GRID2: variants seen among roughly 807,000 people sequenced by gnomAD.
GRID2 encodes glutamate ionotropic receptor delta type subunit 2, also known as glutamate receptor ionotropic, delta-2.
GRID2 carries 33 observed loss-of-function variants against 114.8 expected under a neutral mutation model. The observed-to-expected ratio is 0.29, with a 90% CI of 0.22 to 0.38. GRID2 has a LOEUF of 0.38. GRID2 is among the 10% of genes least tolerant of loss of function. The pLI is 1.00. For missense variants in GRID2, 1,184 were observed against 1,257.7 expected, an observed-to-expected ratio of 0.94 and a Z score of 0.89; for synonymous variants, 505 against 449.9, an observed-to-expected ratio of 1.12 and a Z score of -1.55.
At chr4:92,800,822 A>G (rs1042769010) in intron 2 of GRID2, among the ~76,000 whole-genome samples, 13 of 152,012 alleles carry the variant, frequency 8.6e-5, no homozygotes, top group African/African-American at 3.1e-4. Context: ...TGTTTTCCAT[A>G]TAATAAGATG....
At chr4:93,403,139 G>C (rs1399226395) in intron 9 of GRID2, among the ~76,000 whole-genome samples, 1 of 152,138 alleles carries the variant, frequency 6.6e-6, no homozygotes, top group Non-Finnish European at 1.5e-5. Flanking sequence ...GGCTCCTTCG[G>C]AGGAGTTAAT....
chr4:92,359,534 T>G (rs576427716), intron 1 of GRID2, among the ~76,000 whole-genome samples: 1 of 152,094 alleles, frequency 6.6e-6, no homozygotes, highest in African/African-American at 2.4e-5. Context: ...CCCAGCACAA[T>G]GCCTGGCAGT....
chr4:93,737,414 G>A (rs1230979362), intron 14 of GRID2, among the ~76,000 whole-genome samples: 1 of 151,902 alleles, frequency 6.6e-6, no homozygotes, highest in African/African-American at 2.4e-5. Context: ...ATTATCACTA[G>A]AAGGCTACAT....
intron 1 of GRID2, among the ~76,000 whole-genome samples, chr4:92,564,435 G>A (rs1460871306): frequency 6.6e-6 from 1 of 152,062 alleles, no homozygotes; most frequent in East Asian, 1.9e-4. Context: ...AAGGTTGATA[G>A]ACACTTAAAC....
chr4:92,939,343 G>T (rs937496521), intron 2 of GRID2, among the ~76,000 whole-genome samples: 7 of 147,542 alleles, frequency 4.7e-5, no homozygotes, highest in East Asian at 4.3e-4. Context: ...TCATGTGTCT[G>T]TTGGCTGCAT....
intron 13 of GRID2, among the ~76,000 whole-genome samples, chr4:93,516,660 T>TGA (rs1045942351): frequency 6.6e-6 from 1 of 152,048 alleles, no homozygotes; most frequent in African/African-American, 2.4e-5. Flanking sequence ...GGGTTCGGGT[T>TGA]GAGAGATGGA....
At chr4:93,127,002 C>T (rs1444180396) in intron 4 of GRID2, among the ~76,000 whole-genome samples, 1 of 152,166 alleles carries the variant, frequency 6.6e-6, no homozygotes, top group Non-Finnish European at 1.5e-5. Context: ...TTATTAGGTT[C>T]TTTCAGTTGT....
At chr4:93,619,077 A>T (rs1209599579) in intron 13 of GRID2, among the ~76,000 whole-genome samples, 8 of 152,210 alleles carry the variant, frequency 5.3e-5, no homozygotes, top group Non-Finnish European at 1.2e-4. Context: ...TTTTAAATAC[A>T]TTCATATATT....
intron 1 of GRID2, among the ~76,000 whole-genome samples, chr4:92,498,695 A>G (rs909875399): frequency 2.0e-5 from 3 of 151,906 alleles, no homozygotes; most frequent in Non-Finnish European, 2.9e-5. Context: ...GCAAACTTAA[A>G]ACATCTGTGA....
At chr4:93,228,331 T>A (rs146549240) in intron 7 of GRID2, among the ~76,000 whole-genome samples, 269 of 152,270 alleles carry the variant, frequency 1.8e-3, no homozygotes, top group Non-Finnish European at 2.4e-3. Context: ...GACCAAACTC[T>A]TGTGACAATT....
intron 1 of GRID2, among the ~76,000 whole-genome samples, chr4:92,530,053 T>A (rs1725252324): frequency 6.6e-6 from 1 of 151,796 alleles, no homozygotes; most frequent in Admixed American, 6.6e-5. Flanking sequence ...GAAGGGTTTT[T>A]TTTTTTTGAA....
chr4:92,778,361 G>A (rs189379389), intron 2 of GRID2, among the ~76,000 whole-genome samples: 2 of 151,880 alleles, frequency 1.3e-5, no homozygotes, highest in South Asian at 2.1e-4. Flanking sequence ...TACATCCCTC[G>A]TATTCTTCAG....
At chr4:93,238,674 A>G (rs1747104993) in intron 8 of GRID2, among the ~76,000 whole-genome samples, 184 bp downstream of exon 8, 1 of 151,816 alleles carries the variant, frequency 6.6e-6, no homozygotes, top group South Asian at 2.1e-4. Flanking sequence ...ATTAAGCAAG[A>G]AATTCTATTT....
chr4:93,742,363 G>T (rs572108874), intron 14 of GRID2, among the ~76,000 whole-genome samples: 1 of 152,276 alleles, frequency 6.6e-6, no homozygotes, highest in South Asian at 2.1e-4. Flanking sequence ...TACTCTCATA[G>T]AGTATTCTGA....
chr4:93,323,547 T>C (rs1413063496), intron 8 of GRID2, among the ~76,000 whole-genome samples: 3 of 152,210 alleles, frequency 2.0e-5, no homozygotes, highest in African/African-American at 4.8e-5. Flanking sequence ...TTTGATTCCA[T>C]ATGAACTTTA....
intron 2 of GRID2, among the ~76,000 whole-genome samples, chr4:93,059,466 C>T (rs1228553414): frequency 6.6e-6 from 1 of 152,064 alleles, no homozygotes; most frequent in Non-Finnish European, 1.5e-5. Context: ...TAACATGCTT[C>T]TCAGTCCTGA....
intron 1 of GRID2, among the ~76,000 whole-genome samples, chr4:92,504,912 A>G (rs1202729034): frequency 6.6e-6 from 1 of 152,076 alleles, no homozygotes; most frequent in Non-Finnish European, 1.5e-5. Context: ...ATAAATATTT[A>G]TACTAGAAAA....
In GRID2 at chr4:93,207,400, C is replaced by A; in HGVS notation, c.736-4C>A. ...ACTGATAGCTGATTTGTTTTCTATT[C>A]TAGGTTGTGGAGACTAATTTGGTTG... On this transcript the variant is annotated splice_polypyrimidine_tract_variant and splice_region_variant and intron_variant, in intron 4 of 15. Transcript: ENST00000282020. The A allele has an allele frequency of 6.3e-7, 1 of 1,590,650 alleles. No individual in the cohort carries two copies. The highest frequency in any genetic ancestry group is 8.6e-7 in the Non-Finnish European group (1 of 1,159,370).
intron 6 of GRID2, among the ~76,000 whole-genome samples, chr4:93,224,174 A>G (rs1408474796): frequency 2.6e-5 from 4 of 152,190 alleles, no homozygotes; most frequent in South Asian, 2.1e-4. Flanking sequence ...TGACATTCAT[A>G]TATGAAATCA....
Sources: allele counts gnomAD v4.1 joint callset (sites outside exome capture counted in the v4.1 genomes callset), GRCh38; gene constraint gnomAD v4.1.1; transcripts MANE v1.5; gene names NCBI Gene and HGNC (gene_info 2026-07-23, HGNC 2026-07-21).